Variants in ABI3BP observed in about 807,000 individuals in gnomAD.
ABI3BP encodes ABI family member 3 binding protein.
Under a neutral mutation model 268.6 loss-of-function variants are expected in ABI3BP, and 216 were observed. That is an observed-to-expected ratio of 0.80 (90% CI 0.72 to 0.90). The LOEUF (loss-of-function observed/expected upper bound fraction) is 0.90. Among genes scored for constraint, ABI3BP ranks in the 40% least tolerant of loss-of-function variants. The pLI, the probability that ABI3BP is intolerant of heterozygous loss-of-function variation, is 0.00. For synonymous variants in ABI3BP, 730 were observed against 730.0 expected, an observed-to-expected ratio of 1.00 and a Z score of 0.00; for missense variants, 2,090 against 2,182.4, an observed-to-expected ratio of 0.96 and a Z score of 0.84.
At chr3:100,770,701 T>A in intron 62 of ABI3BP, 42 bp downstream of exon 62, 1 of 1,396,212 alleles carries the variant, frequency 7.2e-7, no homozygotes, top group South Asian at 2.0e-5. Flanking sequence ...TATCTTGTTA[T>A]CAAAGCTTCC....
intron 40 of ABI3BP, among the ~76,000 whole-genome samples, chr3:100,819,947 CAAAAA>C (rs3029879): frequency 0.21 from 19,979 of 94,936 alleles, 1,826 homozygotes; most frequent in South Asian, 0.37. Flanking sequence ...GACTCCGTCT[CAAAAA>C]AAAAAAAAAA....
At chr3:100,862,539 T>C (rs2099009623) in intron 13 of ABI3BP, 154 bp from the exon 14 acceptor site, 3 of 609,006 alleles carry the variant, frequency 4.9e-6, no homozygotes, top group Non-Finnish European at 8.7e-6. Flanking sequence ...AAGAAATCAG[T>C]ATGTATCCAT....
intron 57 of ABI3BP, among the ~76,000 whole-genome samples, chr3:100,786,953 C>T (rs1390467639): frequency 6.6e-6 from 1 of 152,072 alleles, no homozygotes; most frequent in Non-Finnish European, 1.5e-5. Context: ...ATTCACATCT[C>T]TTTTTCATTA....
At chr3:100,818,451 G>A in intron 41 of ABI3BP, 74 bp downstream of exon 41, 2 of 1,240,058 alleles carry the variant, frequency 1.6e-6, no homozygotes, top group Non-Finnish European at 2.3e-6. Context: ...GTCTTATGAT[G>A]AAGAAGAAAC....
chr3:100,785,317 A>G (rs1180729304), intron 57 of ABI3BP, among the ~76,000 whole-genome samples: 1 of 152,216 alleles, frequency 6.6e-6, no homozygotes, highest in African/African-American at 2.4e-5. Flanking sequence ...GAATTGTGTC[A>G]GAGAAGAAAA....
intron 1 of ABI3BP, among the ~76,000 whole-genome samples, chr3:100,953,106 A>G (rs909591278): frequency 6.6e-6 from 1 of 152,148 alleles, no homozygotes; most frequent in African/African-American, 2.4e-5. Flanking sequence ...ATTTTTGGGT[A>G]AATGCATTTC....
chr3:100,776,691 A>G (rs953873555), intron 59 of ABI3BP, among the ~76,000 whole-genome samples: 118 of 152,314 alleles, frequency 7.7e-4, no homozygotes, highest in Non-Finnish European at 1.1e-3. Flanking sequence ...CCCTTGAGTT[A>G]GAGGTGAATG....
At chr3:100,981,180 A>G (rs576023493) in intron 1 of ABI3BP, among the ~76,000 whole-genome samples, 38 of 152,338 alleles carry the variant, frequency 2.5e-4, no homozygotes, top group African/African-American at 8.2e-4. Flanking sequence ...AATGAACAGG[A>G]AGCAATGATA....
chr3:100,849,776 T>C (rs2098817896), intron 17 of ABI3BP, among the ~76,000 whole-genome samples: 1 of 152,228 alleles, frequency 6.6e-6, no homozygotes, highest in Non-Finnish European at 1.5e-5. Context: ...TCTATAATTC[T>C]GCTGCTAGTT....
At chr3:100,953,830 A>G (rs1438841030) in intron 1 of ABI3BP, among the ~76,000 whole-genome samples, 1 of 152,222 alleles carries the variant, frequency 6.6e-6, no homozygotes, top group Non-Finnish European at 1.5e-5. Flanking sequence ...AGTAGCAAGA[A>G]GCTCATGTTG....
chr3:100,913,160 C>T (rs543988654), intron 2 of ABI3BP, among the ~76,000 whole-genome samples: 92 of 152,238 alleles, frequency 6.0e-4, no homozygotes, highest in African/African-American at 2.1e-3. Context: ...TGTCCTATTC[C>T]GGTGACAAAG....
At chr3:100,983,959 T>TA (rs1045007053) in intron 1 of ABI3BP, among the ~76,000 whole-genome samples, 6 of 152,170 alleles carry the variant, frequency 3.9e-5, no homozygotes, top group Non-Finnish European at 2.9e-5. Flanking sequence ...AGCATAAAAG[T>TA]AAAAATCACT....
chr3:100,875,516 A>C lies in ABI3BP; in HGVS notation c.809T>G (p.Val270Gly). Residue 270 changes from valine to glycine, a missense_variant, in exon 8 of 68, where the codon GTG (valine) becomes GGG (glycine). Transcript: ENST00000471714. ...KSPEKAPLGG[V>G]ILVHLIIPGL... ...TTTCGAGATCCACTCACCTAGTATC[A>C]CTCCTCCCAGTGGAGCTTTTTCTGG... The C allele has an allele frequency of 6.2e-7, 1 of 1,609,972 alleles. No homozygotes were observed. The highest frequency in any genetic ancestry group is 8.5e-7 in the Non-Finnish European group (1 of 1,176,444).
chr3:100,863,097 T>C (rs896730006), intron 12 of ABI3BP, 188 bp from the exon 13 acceptor site: 12 of 559,196 alleles, frequency 2.1e-5, no homozygotes, highest in African/African-American at 1.9e-4. Context: ...CAGTTTTTTA[T>C]AGTTAAGTGA....
chr3:100,903,710 G>A (rs1284443093), intron 2 of ABI3BP, among the ~76,000 whole-genome samples: 1 of 152,160 alleles, frequency 6.6e-6, no homozygotes, highest in Admixed American at 6.5e-5. Context: ...GCTTTGCAGA[G>A]CTGACCTCTT....
rs1292255078 is a variant in ABI3BP, at chr3:100,778,379, G to A, written c.4241-3C>T. On this transcript the variant is annotated splice_region_variant and splice_polypyrimidine_tract_variant and intron_variant, in intron 58 of 67. Transcript: ENST00000471714. ...TGGCAAGGGTGGGCGGCGAGTCCCT[G>A]GGATTGTGGATAAGAGATTGTATTT... The A allele has an allele frequency of 6.2e-7, 1 of 1,612,036 alleles. No individual in the cohort carries two copies. The highest frequency in any genetic ancestry group is 1.3e-5 in the African/African-American group (1 of 74,756).
At chr3:100,831,558 G>A (rs1018964118) in intron 31 of ABI3BP, among the ~76,000 whole-genome samples, 2 of 152,076 alleles carry the variant, frequency 1.3e-5, no homozygotes, top group African/African-American at 4.8e-5. Flanking sequence ...CAGAAGTAGG[G>A]ATCATTGAAG....
At chr3:100,886,397 A>G in intron 4 of ABI3BP, 74 bp from the exon 5 acceptor site, 1 of 1,173,572 alleles carries the variant, frequency 8.5e-7, no homozygotes, top group Non-Finnish European at 1.1e-6. Flanking sequence ...TTCTTACTTC[A>G]TCACAGATTT....
chr3:100,770,889 T>G lies in ABI3BP; in HGVS notation c.4595A>C (p.Lys1532Thr). Residue 1532 changes from lysine (K) to threonine (T), a missense_variant, in exon 62 of 68, where the codon AAA (lysine) becomes ACA (threonine). Transcript: ENST00000471714. ...TGTGGCCTCCTCTTTGGGGAACCGT[T>G]TGACAGAGTCAGTAATGGAGCAGGG... ...NSPCSITDSV[K>T]RFPKEEATEG... The G allele has an allele frequency of 6.2e-7, 1 of 1,602,696 alleles. No homozygotes were observed. Among genetic ancestry groups the G allele is most frequent in the Non-Finnish European group, 8.5e-7 (1 of 1,174,552 alleles).
Sources: gnomAD v4.1 joint callset for allele counts (sites outside exome capture counted in the v4.1 genomes callset) on GRCh38, gnomAD v4.1.1 for gene constraint, MANE v1.5 for transcripts, NCBI Gene and HGNC (gene_info 2026-07-23, HGNC 2026-07-21) for gene names.